The following ALOX5 variants were observed in gnomAD, a reference collection of about 807,000 sequenced individuals.
ALOX5 encodes arachidonate 5-lipoxygenase.
A neutral mutation model predicts 87.9 loss-of-function variants in ALOX5; 64 were observed. That is an observed-to-expected ratio of 0.73 (90% CI 0.60 to 0.90). The LOEUF (loss-of-function observed/expected upper bound fraction) is 0.90, where lower values mean the gene tolerates loss of function less well. ALOX5 is among the 40% of genes least tolerant of loss of function. ALOX5 has a pLI of 0.00. For missense variants in ALOX5, 822 were observed against 907.5 expected, an observed-to-expected ratio of 0.91 and a Z score of 1.21; for synonymous variants, 388 against 355.1, an observed-to-expected ratio of 1.09 and a Z score of -1.04.
chr10:45,441,558 T>G, intron 9 of ALOX5, 128 bp downstream of exon 9: 1 of 902,778 alleles, frequency 1.1e-6, no homozygotes, highest in Non-Finnish European at 1.7e-6. Context: ...CTCAGAGCAC[T>G]GGCTCCAGCA....
chr10:45,445,859 T>TA lies in ALOX5; in HGVS notation c.*175dup. The TA allele has an allele frequency of 1.4e-6, 1 of 735,650 alleles. No individual in the cohort carries two copies. Among genetic ancestry groups the TA allele is most frequent in the Non-Finnish European group, 2.2e-6 (1 of 459,928 alleles). 45.6% of individuals were successfully genotyped at this position (735,650 alleles called of 1,614,324 possible). A position where few individuals can be genotyped will look rare whatever the true frequency, so the allele number is the denominator to read the frequency against. On this transcript the variant is annotated 3_prime_UTR_variant, in exon 14 of 14. Transcript: ENST00000374391. ...GGAACTGCATAGATTGATCAAAGTG[T>TA]AAACACCATAGGGACCCATTCTACA...
rs561240045 is a variant in ALOX5, at chr10:45,374,274, C to G, written c.-6C>G. The G allele has an allele frequency of 2.0e-6, 3 of 1,472,710 alleles. No individual in the cohort carries two copies. The highest frequency in any genetic ancestry group is 1.5e-5 in the African/African-American group (1 of 67,940). The allele number at this position is 1,472,710 out of a possible 1,614,324, so 91.2% of individuals were successfully genotyped here. On this transcript the variant is annotated 5_prime_UTR_variant, in exon 1 of 14. Transcript: ENST00000374391. ...CCCGGCGCTCGCTGCTCCCGCGGCCCGCGCCATGCCCTCCTACACGGTCAC... is the reference window on the plus strand; with the variant it reads ...CCCGGCGCTCGCTGCTCCCGCGGCCGGCGCCATGCCCTCCTACACGGTCAC...
intron 1 of ALOX5, among the ~76,000 whole-genome samples, chr10:45,381,621 C>T (rs1044717239): frequency 3.3e-5 from 5 of 152,226 alleles, no homozygotes; most frequent in Non-Finnish European, 1.5e-5. Flanking sequence ...GGGGCAGCTG[C>T]GGACCCTCAC....
chr10:45,431,868 G>A (rs181859836), intron 7 of ALOX5, among the ~76,000 whole-genome samples: 13 of 152,118 alleles, frequency 8.5e-5, no homozygotes, highest in Admixed American at 1.3e-4. Context: ...TACCGCACCC[G>A]GCCAACTATA....
At position 45,443,838 on chromosome 10, in the gene ALOX5, G is replaced by T; in HGVS notation, c.1674+10G>T. 1 of 1,593,316 alleles carries T rather than the reference G, an allele frequency of 6.3e-7. No individual in the cohort carries two copies. The highest frequency in any genetic ancestry group is 1.7e-5 in the Admixed American group (1 of 57,842). On this transcript the variant is annotated intron_variant, in intron 12 of 13. Coordinates refer to ENST00000374391, the MANE Select transcript of ALOX5 (RefSeq NM_000698.5). ...GGTCAACTTCGGCCAGGTAGGCAGG[G>T]CCGGGCCCGCTGGGCAGGGCTCCCT...
rs770647919 is a variant in ALOX5, at chr10:45,440,511, G to A, written c.1063G>A (p.Val355Met). Residue 355 changes from valine (V) to methionine (M), a missense_variant, in exon 8 of 14, where the codon GTG becomes ATG. Coordinates refer to ENST00000374391, the MANE Select transcript of ALOX5 (RefSeq NM_000698.5). Reference protein sequence around the residue: ...KYDWLLAKIWVRSSDFHVHQT... With the variant: ...KYDWLLAKIWMRSSDFHVHQT... ...CGACTGGCTTTTGGCCAAAATCTGG[G>A]TGCGTTCCAGTGACTTCCACGTCCA... The A allele has an allele frequency of 3.1e-6, 5 of 1,614,052 alleles. No homozygotes were observed. The highest frequency in any genetic ancestry group is 4.2e-6 in the Non-Finnish European group (5 of 1,180,048).
intron 4 of ALOX5, among the ~76,000 whole-genome samples, chr10:45,414,582 A>T (rs1841199776): frequency 6.6e-6 from 1 of 152,238 alleles, no homozygotes; most frequent in Admixed American, 6.5e-5. Flanking sequence ...GCCAAAATGG[A>T]CAAATGGGAT....
At chr10:45,390,264 C>T (rs569673343) in intron 2 of ALOX5, among the ~76,000 whole-genome samples, 8 of 152,306 alleles carry the variant, frequency 5.3e-5, no homozygotes, top group Admixed American at 4.6e-4. Context: ...ACCCCACTGT[C>T]AACATTAGAC....
At chr10:45,412,627 T>G (rs1285815902) in intron 4 of ALOX5, among the ~76,000 whole-genome samples, 1 of 152,134 alleles carries the variant, frequency 6.6e-6, no homozygotes, top group Non-Finnish European at 1.5e-5. Flanking sequence ...ACTTCAAAGG[T>G]GTGAAGGCTT....
chr10:45,424,956 G>A lies in ALOX5; in HGVS notation c.662-4G>A, dbSNP rs1398783867. The A allele has an allele frequency of 2.5e-6, 4 of 1,614,156 alleles. No homozygotes were observed. The highest frequency in any genetic ancestry group is 1.7e-5 in the Admixed American group (1 of 60,016). On this transcript the variant is annotated splice_polypyrimidine_tract_variant and splice_region_variant and intron_variant, in intron 5 of 13. Transcript: ENST00000374391. ...CAGGGTGGGCCTCGCTTTTCTCCTG[G>A]TAGAGCGGGTCATGAATCACTGGCA...
rs76552293 is a variant in ALOX5 at position 45,435,033 on chromosome 10, A to G, written c.982-5397A>G. 1.0e-2 allele frequency among the ~76,000 whole-genome samples: 1,518 copies of G among 152,352 alleles called. 22 individuals are homozygous for G. The highest frequency in any genetic ancestry group is 0.053 in the East Asian group (273 of 5,184). Reference sequence around the variant, plus strand: ...CAAATTTAAGAAACACAAATTGCTCAGGGCAAGTTCTGGCATCCCATGGCA... The same window carrying G: ...CAAATTTAAGAAACACAAATTGCTCGGGGCAAGTTCTGGCATCCCATGGCA... On this transcript the variant is annotated intron_variant, in intron 7 of 13. Transcript: ENST00000374391.
At chr10:45,414,223 C>G (rs1331911853) in intron 4 of ALOX5, among the ~76,000 whole-genome samples, 1 of 152,196 alleles carries the variant, frequency 6.6e-6, no homozygotes, top group African/African-American at 2.4e-5. Flanking sequence ...CAGCATGGCA[C>G]TGGTACCAAA....
rs919483449 is a variant in ALOX5 at position 45,374,277 on chromosome 10, G to T, written c.-3G>T. On this transcript the variant is annotated 5_prime_UTR_variant, in exon 1 of 14. Coordinates refer to ENST00000374391, the MANE Select transcript of ALOX5 (RefSeq NM_000698.5). ...GGCGCTCGCTGCTCCCGCGGCCCGC[G>T]CCATGCCCTCCTACACGGTCACCGT... 2.0e-6 allele frequency: 3 copies of T among 1,482,402 alleles called. No homozygotes were observed. Among genetic ancestry groups the T allele is most frequent in the Admixed American group, 4.9e-5 (2 of 41,022 alleles). The allele number at this position is 1,482,402 out of a possible 1,614,324, so 91.8% of individuals were successfully genotyped here. A position where few individuals can be genotyped will look rare whatever the true frequency, so the allele number is the denominator to read the frequency against.
At chr10:45,391,549 C>T (rs1323084458) in intron 2 of ALOX5, among the ~76,000 whole-genome samples, 1 of 151,828 alleles carries the variant, frequency 6.6e-6, no homozygotes, top group Non-Finnish European at 1.5e-5. Flanking sequence ...TCTGCCTGGC[C>T]ACCCATCGTC....
In ALOX5 at chr10:45,440,443, C is replaced by T. The variant is rs954471371; in HGVS notation, c.995C>T (p.Pro332Leu). The T allele has an allele frequency of 4.3e-6, 7 of 1,614,138 alleles. No homozygotes were observed. Among genetic ancestry groups the T allele is most frequent in the East Asian group, 4.5e-5 (2 of 44,888 alleles). The change falls in exon 8 of 14, where the codon CCG (proline) becomes CTG (leucine). Residue 332 changes from proline (P) to leucine (L), a missense_variant. Transcript: ENST00000374391. ...VPIAIQLNQI[P>L]GDENPIFLPS... ...CCAATGTATCAGCTCAACCAAATCC[C>T]GGGAGATGAGAACCCTATTTTCCTC...
chr10:45,384,905 C>T (rs763824551), intron 2 of ALOX5, among the ~76,000 whole-genome samples: 2 of 152,004 alleles, frequency 1.3e-5, no homozygotes, highest in East Asian at 1.9e-4. Flanking sequence ...GGCAGTGGCA[C>T]GATCTCAGCC....
At chr10:45,375,655 A>G (rs1222259153) in intron 1 of ALOX5, among the ~76,000 whole-genome samples, 1 of 152,164 alleles carries the variant, frequency 6.6e-6, no homozygotes, top group East Asian at 1.9e-4. Flanking sequence ...GTAAGTAAAA[A>G]CTACTCTTTT....
intron 4 of ALOX5, among the ~76,000 whole-genome samples, chr10:45,412,552 G>A (rs1841105078): frequency 6.6e-6 from 1 of 152,126 alleles, no homozygotes; most frequent in Non-Finnish European, 1.5e-5. Flanking sequence ...TGTGTTTTTG[G>A]CCCAAAGCAG....
At chr10:45,380,091 C>G (rs1839775401) in intron 1 of ALOX5, among the ~76,000 whole-genome samples, 1 of 152,262 alleles carries the variant, frequency 6.6e-6, no homozygotes, top group African/African-American at 2.4e-5. Context: ...GCTGAGACTC[C>G]TGTCCCATCA....
Sources: allele counts gnomAD v4.1 joint callset (sites outside exome capture counted in the v4.1 genomes callset), GRCh38; gene constraint gnomAD v4.1.1; transcripts MANE v1.5; gene names NCBI Gene and HGNC (gene_info 2026-07-23, HGNC 2026-07-21).